DNER: variants seen among roughly 807,000 people sequenced by gnomAD.
DNER encodes the protein delta and Notch-like epidermal growth factor-related receptor.
Under a neutral mutation model 78.2 loss-of-function variants are expected in DNER, and 33 were observed. The ratio of observed to expected loss-of-function variants is 0.42; its 90% CI spans 0.32 to 0.56. The LOEUF is 0.56. Ranked by LOEUF, DNER falls within the 20% of genes least tolerant of loss-of-function variation. The pLI, the probability that DNER is intolerant of heterozygous loss-of-function variation, is 0.11. For missense variants in DNER, 918 were observed against 975.3 expected (o/e 0.94, Z 0.78); for synonymous variants, 417 against 384.8 (o/e 1.08, Z -0.98).
intron 4 of DNER, among the ~76,000 whole-genome samples, chr2:229,576,148 T>C (rs746745413): frequency 2.6e-5 from 4 of 152,274 alleles, no homozygotes; most frequent in South Asian, 4.1e-4. Context: ...AAAATGACCA[T>C]GAAAAGGTGA....
chr2:229,499,862 C>T (rs1349789523), intron 6 of DNER, among the ~76,000 whole-genome samples: 1 of 151,130 alleles, frequency 6.6e-6, no homozygotes, highest in Non-Finnish European at 1.5e-5. Context: ...GGTATTCAAA[C>T]AACTCAATAG....
At chr2:229,575,051 A>G (rs148728813) in intron 4 of DNER, among the ~76,000 whole-genome samples, 2,224 of 152,316 alleles carry the variant, frequency 0.015, 53 homozygotes, top group African/African-American at 0.05. Context: ...TTATTAAGGG[A>G]TAAAGTATTT....
chr2:229,359,634 A>T (rs1692167341), intron 12 of DNER, among the ~76,000 whole-genome samples: 1 of 152,154 alleles, frequency 6.6e-6, no homozygotes, highest in Non-Finnish European at 1.5e-5. Context: ...TGGGGTCCCT[A>T]GGAATTAAAG....
At chr2:229,498,855 C>T (rs1273113681) in intron 6 of DNER, among the ~76,000 whole-genome samples, 2 of 152,100 alleles carry the variant, frequency 1.3e-5, no homozygotes, top group African/African-American at 4.8e-5. Context: ...TCTACAGATT[C>T]AATGAAATTC....
At chr2:229,433,776 A>G (rs1338541759) in intron 8 of DNER, among the ~76,000 whole-genome samples, 1 of 152,210 alleles carries the variant, frequency 6.6e-6, no homozygotes, top group Non-Finnish European at 1.5e-5. Flanking sequence ...ATTAAAAATA[A>G]TATTATAGTT....
At chr2:229,598,167 A>G (rs1206407662) in intron 1 of DNER, among the ~76,000 whole-genome samples, 2 of 152,254 alleles carry the variant, frequency 1.3e-5, no homozygotes, top group Non-Finnish European at 2.9e-5. Flanking sequence ...CGAAGTGTGG[A>G]CACCTGCATC....
intron 6 of DNER, among the ~76,000 whole-genome samples, chr2:229,489,314 G>A (rs1191753922): frequency 6.6e-6 from 1 of 152,210 alleles, no homozygotes; most frequent in East Asian, 1.9e-4. Context: ...AGGAAACTTG[G>A]TGGCACTCCA....
At chr2:229,658,452 A>G (rs1698948970) in intron 1 of DNER, among the ~76,000 whole-genome samples, 1 of 152,204 alleles carries the variant, frequency 6.6e-6, no homozygotes, top group South Asian at 2.1e-4. Context: ...GTGGGACCCA[A>G]GTGAGACTTC....
intron 8 of DNER, among the ~76,000 whole-genome samples, chr2:229,443,624 C>T (rs2106360598): frequency 6.6e-6 from 1 of 152,334 alleles, no homozygotes; most frequent in Admixed American, 6.5e-5. Context: ...TTGCAGTAAT[C>T]AAAATGGCAT....
At chr2:229,497,050 G>A (rs752860216) in intron 6 of DNER, among the ~76,000 whole-genome samples, 2 of 152,092 alleles carry the variant, frequency 1.3e-5, no homozygotes, top group Non-Finnish European at 2.9e-5. Flanking sequence ...CATATGTTAG[G>A]CCAGAAGACA....
At chr2:229,565,899 T>C (rs1164040784) in intron 4 of DNER, among the ~76,000 whole-genome samples, 3 of 152,220 alleles carry the variant, frequency 2.0e-5, no homozygotes, top group Non-Finnish European at 4.4e-5. Context: ...GTTCAAATTG[T>C]ATCACTTTAT....
intron 8 of DNER, 126 bp from the exon 9 acceptor site, chr2:229,418,356 G>A: frequency 7.6e-7 from 1 of 1,316,756 alleles, no homozygotes; most frequent in Non-Finnish European, 1.0e-6. Flanking sequence ...TGGGATTTCA[G>A]GAGCTAGATC....
At chr2:229,556,893 T>C (rs929500438) in intron 4 of DNER, among the ~76,000 whole-genome samples, 12 of 152,224 alleles carry the variant, frequency 7.9e-5, no homozygotes, top group African/African-American at 2.7e-4. Flanking sequence ...GTTCACTCAA[T>C]AAGAACAGTG....
intron 1 of DNER, among the ~76,000 whole-genome samples, chr2:229,683,669 CAAT>C (rs1699427035): frequency 6.6e-6 from 1 of 152,012 alleles, no homozygotes; most frequent in African/African-American, 2.4e-5. Context: ...ATGATGGTGA[CAAT>C]AATGATCATG....
intron 4 of DNER, among the ~76,000 whole-genome samples, chr2:229,547,953 T>C (rs965411796): frequency 2.6e-5 from 4 of 152,238 alleles, no homozygotes; most frequent in Admixed American, 6.5e-5. Context: ...AAGTGAGCAT[T>C]TTTTTCTAAT....
intron 10 of DNER, among the ~76,000 whole-genome samples, chr2:229,394,787 G>A (rs1371005021): frequency 1.3e-5 from 2 of 152,148 alleles, no homozygotes; most frequent in African/African-American, 4.8e-5. Context: ...GCTTGAGGGG[G>A]AATTAAAATT....
chr2:229,536,296 C>T (rs1228602615), intron 5 of DNER, among the ~76,000 whole-genome samples: 1 of 152,142 alleles, frequency 6.6e-6, no homozygotes, highest in African/African-American at 2.4e-5. Context: ...CATGAAACAT[C>T]AGGGCAGCAG....
At chr2:229,556,398 T>C (rs1696856617) in intron 4 of DNER, among the ~76,000 whole-genome samples, 1 of 152,252 alleles carries the variant, frequency 6.6e-6, no homozygotes, top group Non-Finnish European at 1.5e-5. Flanking sequence ...TCAGAATCTA[T>C]AGTCTTGGAT....
At chr2:229,683,328 A>G (rs1348980699) in intron 1 of DNER, among the ~76,000 whole-genome samples, 2 of 152,196 alleles carry the variant, frequency 1.3e-5, no homozygotes, top group Non-Finnish European at 2.9e-5. Flanking sequence ...TCCAAAGAGG[A>G]TATTCTTAAC....
Sources: gnomAD v4.1 joint callset for allele counts (sites outside exome capture counted in the v4.1 genomes callset) on GRCh38, gnomAD v4.1.1 for gene constraint, MANE v1.5 for transcripts, NCBI Gene and HGNC (gene_info 2026-07-23, HGNC 2026-07-21) for gene names.